The following DNAJB14 variants were observed in gnomAD, a reference collection of about 807,000 sequenced individuals.
DNAJB14 encodes the protein DnaJ heat shock protein family (Hsp40) member B14, also known as dnaJ homolog subfamily B member 14.
DNAJB14 carries 22 observed loss-of-function variants against 48.4 expected under a neutral mutation model. The observed-to-expected ratio is 0.45, with a 90% confidence interval of 0.32 to 0.65. DNAJB14 has a LOEUF of 0.65. Ranked by LOEUF, DNAJB14 falls within the 30% of genes least tolerant of loss-of-function variation. The probability of loss-of-function intolerance (pLI) is 0.03; values close to 1 mark genes in which losing one functional copy is unlikely to be tolerated. For synonymous variants in DNAJB14, 142 were observed against 158.7 expected, an observed-to-expected ratio of 0.89 and a Z score of 0.79; for missense variants, 319 against 458.8, an observed-to-expected ratio of 0.70 and a Z score of 2.78.
At chr4:99,906,458 T>C in intron 5 of DNAJB14, 59 bp downstream of exon 5, 1 of 1,509,208 alleles carries the variant, frequency 6.6e-7, no homozygotes, top group Non-Finnish European at 9.2e-7. Context: ...TTCAGACAAC[T>C]CTAATTACTT....
intron 1 of DNAJB14, among the ~76,000 whole-genome samples, chr4:99,938,648 A>G (rs1407361856): frequency 4.6e-5 from 7 of 152,170 alleles, no homozygotes; most frequent in African/African-American, 7.2e-5. Context: ...AAAAATTTTA[A>G]CAAATACAAA....
At chr4:99,910,674 A>C (rs939069530) in intron 3 of DNAJB14, among the ~76,000 whole-genome samples, 1 of 151,958 alleles carries the variant, frequency 6.6e-6, no homozygotes, top group Non-Finnish European at 1.5e-5. Context: ...GGCCAGAGTA[A>C]ATTTCTATTC....
At chr4:99,917,861 C>T (rs1725910890) in intron 3 of DNAJB14, among the ~76,000 whole-genome samples, 1 of 151,988 alleles carries the variant, frequency 6.6e-6, no homozygotes, top group Non-Finnish European at 1.5e-5. Flanking sequence ...AATTGCTTTT[C>T]CCCCTATAGG....
At chr4:99,912,091 A>G (rs1395794941) in intron 3 of DNAJB14, among the ~76,000 whole-genome samples, 1 of 152,190 alleles carries the variant, frequency 6.6e-6, no homozygotes, top group Non-Finnish European at 1.5e-5. Flanking sequence ...TTTTTGGCCT[A>G]TGGGTGTCCA....
intron 2 of DNAJB14, chr4:99,925,132 G>T: frequency 3.1e-6 from 1 of 322,316 alleles, no homozygotes. Context: ...GATATAAAAT[G>T]GTACAGTATT....
rs1370158830 is a variant in DNAJB14 at position 99,897,175 on chromosome 4, G to A, written c.*3853C>T. On this transcript the variant is annotated 3_prime_UTR_variant, in exon 8 of 8. Transcript: ENST00000442697. ...TATATTAAACAATCACACATTTGAG[G>A]TAATTAGCTGGGAAAAAAAAAAAAA... 2.2e-5 allele frequency: 3 copies of A among 136,184 alleles called. No homozygotes were observed. Among genetic ancestry groups the A allele is most frequent in the Non-Finnish European group, 4.7e-5 (3 of 64,350 alleles). 8.4% of individuals were successfully genotyped at this position (136,184 alleles called of 1,614,324 possible). A position where few individuals can be genotyped will look rare whatever the true frequency, so the allele number is the denominator to read the frequency against.
intron 1 of DNAJB14, among the ~76,000 whole-genome samples, chr4:99,935,689 G>C (rs903795358): frequency 1.4e-5 from 2 of 139,686 alleles, no homozygotes; most frequent in Non-Finnish European, 3.1e-5. Context: ...AAATTATTAG[G>C]CTTCTTCCTT....
intron 1 of DNAJB14, among the ~76,000 whole-genome samples, chr4:99,939,594 A>ATT (rs1726817892): frequency 6.6e-6 from 1 of 152,132 alleles, no homozygotes; most frequent in Non-Finnish European, 1.5e-5. Context: ...GATAATGAAG[A>ATT]TTTTTCTGGA....
intron 6 of DNAJB14, among the ~76,000 whole-genome samples, chr4:99,904,666 A>G (rs1442231856): frequency 6.6e-6 from 1 of 152,126 alleles, no homozygotes; most frequent in Non-Finnish European, 1.5e-5. Flanking sequence ...TAATTTATTT[A>G]CATTCTCTCA....
chr4:99,929,766 T>C (rs1170667923), intron 2 of DNAJB14: 1 of 152,222 alleles, frequency 6.6e-6, no homozygotes, highest in Non-Finnish European at 1.5e-5. Context: ...TAATCTCTGT[T>C]CAAAATCCTT....
At chr4:99,929,566 A>G (rs1726384862) in intron 2 of DNAJB14, 1 of 152,234 alleles carries the variant, frequency 6.6e-6, no homozygotes, top group African/African-American at 2.4e-5. Context: ...ATCTCAAAAT[A>G]CACTTCAATT....
chr4:99,908,691 C>A lies in DNAJB14; in HGVS notation c.637+20G>T. ...TATGTAGCTTCATAAAATATAATATCTATAATTACATTAAAATACCTGAAG... is the reference window on the plus strand; with the variant it reads ...TATGTAGCTTCATAAAATATAATATATATAATTACATTAAAATACCTGAAG... On this transcript the variant is annotated intron_variant, in intron 4 of 7. Coordinates refer to ENST00000442697, the MANE Select transcript of DNAJB14 (RefSeq NM_001031723.4). The A allele has an allele frequency of 6.5e-7, 1 of 1,533,584 alleles. No individual in the cohort carries two copies. Among genetic ancestry groups the A allele is most frequent in the Non-Finnish European group, 8.8e-7 (1 of 1,133,776 alleles). 95.0% of individuals were successfully genotyped at this position (1,533,584 alleles called of 1,614,324 possible).
intron 4 of DNAJB14, among the ~76,000 whole-genome samples, chr4:99,907,069 C>G (rs1725492792): frequency 6.6e-6 from 1 of 152,106 alleles, no homozygotes; most frequent in African/African-American, 2.4e-5. Flanking sequence ...AGAATTTATT[C>G]AAACACTCTC....
At chr4:99,933,176 A>G (rs1010309719) in intron 1 of DNAJB14, among the ~76,000 whole-genome samples, 2 of 151,926 alleles carry the variant, frequency 1.3e-5, no homozygotes, top group Admixed American at 6.6e-5. Context: ...TAAAGCATGT[A>G]TATATATATA....
intron 6 of DNAJB14, 65 bp from the exon 7 acceptor site, chr4:99,903,963 A>G: frequency 6.8e-7 from 1 of 1,477,424 alleles, no homozygotes; most frequent in Non-Finnish European, 9.2e-7. Context: ...CTATAAACCA[A>G]GCAAACAAAA....
In DNAJB14 at chr4:99,908,882, A is replaced by T; in HGVS notation, c.466T>A (p.Tyr156Asn). 6.4e-7 allele frequency: 1 copy of T among 1,569,904 alleles called. No homozygotes were observed. The change falls in exon 4 of 8, where the codon TAT becomes AAT. Residue 156 changes from tyrosine to asparagine, a missense_variant. Tyr to Asn is a moderately radical substitution (Grantham distance 143, BLOSUM62 -2). Around this residue, in one of 3 missense-constraint regions of DNAJB14, gnomAD observed 37 missense variants for 87.8 expected, o/e 0.42. Coordinates refer to ENST00000442697, the MANE Select transcript of DNAJB14 (RefSeq NM_001031723.4). ...TDAFKKIGNA[Y>N]AVLSNPEKRK... is the part of the protein sequence containing the mutation. ...TTTTCTGGATTACTTAAAACAGCAT[A>T]AGCATTTCCAATCTCTGAAAAAGTA...
Position 99,933,303 on chromosome 4 carries a change from C to CTTTTTTTTTTTTTTTTTTTT in DNAJB14, c.134-2702_134-2683dup. The stretch of plus-strand genomic sequence containing the variant: ...TAATGAGAAATATAACATAAACAGT[C>CTTTTTTTTTTTTTTTTTTTT]TTTTTTTTTTTTTTTTTTTTTTTGA... On this transcript the variant is annotated intron_variant, in intron 1 of 7. Transcript: ENST00000442697. 4.5e-5 allele frequency among the ~76,000 whole-genome samples: 4 copies of CTTTTTTTTTTTTTTTTTTTT among 88,776 alleles called. 1 individual carries two copies. The highest frequency in any genetic ancestry group is 4.2e-5 in the Non-Finnish European group (2 of 47,760). The allele number at this position is 88,776 out of a possible 152,430, so 58.2% of individuals were successfully genotyped here.
intron 1 of DNAJB14, among the ~76,000 whole-genome samples, chr4:99,935,074 A>G (rs1726623886): frequency 6.6e-6 from 1 of 152,004 alleles, no homozygotes; most frequent in Non-Finnish European, 1.5e-5. Flanking sequence ...GTACAATAGG[A>G]GTACTGAAGA....
chr4:99,918,028 G>T (rs1725917673), intron 3 of DNAJB14, among the ~76,000 whole-genome samples: 2 of 152,124 alleles, frequency 1.3e-5, no homozygotes, highest in Non-Finnish European at 2.9e-5. Flanking sequence ...AATTTGGGAA[G>T]TTTTCAACCT....
Sources: gnomAD v4.1 joint callset for allele counts (sites outside exome capture counted in the v4.1 genomes callset) on GRCh38, gnomAD v4.1.1 for gene constraint, gnomAD v4.1.1 regional missense constraint, MANE v1.5 for transcripts, NCBI Gene and HGNC (gene_info 2026-07-23, HGNC 2026-07-21) for gene names.